Variants in TAOK3 observed in about 807,000 individuals in gnomAD.
TAOK3 encodes TAO kinase 3, also known as serine/threonine-protein kinase TAO3.
A neutral mutation model predicts 120.4 loss-of-function variants in TAOK3; 40 were observed. The ratio of observed to expected loss-of-function variants is 0.33; its 90% CI spans 0.26 to 0.43. TAOK3 has a LOEUF of 0.43. TAOK3 is among the 20% of genes least tolerant of loss of function. The pLI is 1.00. For missense variants in TAOK3, 821 were observed against 1,112.1 expected, an observed-to-expected ratio of 0.74 and a Z score of 3.72; for synonymous variants, 355 against 387.5, an observed-to-expected ratio of 0.92 and a Z score of 0.99.
At chr12:118,169,912 G>A (rs891141027) in intron 17 of TAOK3, among the ~76,000 whole-genome samples, 12 of 151,636 alleles carry the variant, frequency 7.9e-5, no homozygotes, top group Non-Finnish European at 4.4e-5. Flanking sequence ...TAGTAGAGAC[G>A]GGGTTTCACC....
At chr12:118,177,450 A>G in intron 15 of TAOK3, 121 bp from the exon 16 acceptor site, 2 of 618,354 alleles carry the variant, frequency 3.2e-6, no homozygotes, top group Non-Finnish European at 5.1e-6. Context: ...TTTTGAACAA[A>G]TATTAAAAAA....
chr12:118,352,520 A>T (rs932590975), intron 1 of TAOK3, among the ~76,000 whole-genome samples: 1 of 151,520 alleles, frequency 6.6e-6, no homozygotes, highest in African/African-American at 2.4e-5. Context: ...AAAAAAAATC[A>T]TATATATACA....
chr12:118,288,390 G>T (rs2042340370), intron 1 of TAOK3, among the ~76,000 whole-genome samples: 1 of 151,954 alleles, frequency 6.6e-6, no homozygotes, highest in Non-Finnish European at 1.5e-5. Context: ...TGGGTGGGTG[G>T]CCTTGTAAGT....
At chr12:118,366,125 G>A (rs999229427) in intron 1 of TAOK3, among the ~76,000 whole-genome samples, 41 of 152,050 alleles carry the variant, frequency 2.7e-4, no homozygotes, top group East Asian at 1.4e-3. Flanking sequence ...TTAGCCAGGC[G>A]TGGTGGTTGG....
At chr12:118,303,991 C>T (rs1438542436) in intron 1 of TAOK3, among the ~76,000 whole-genome samples, 6 of 152,214 alleles carry the variant, frequency 3.9e-5, no homozygotes, top group Non-Finnish European at 8.8e-5. Context: ...TAACTTCTCT[C>T]TTTACACTCC....
At chr12:118,296,477 T>C (rs2042685652) in intron 1 of TAOK3, among the ~76,000 whole-genome samples, 1 of 152,186 alleles carries the variant, frequency 6.6e-6, no homozygotes, top group Non-Finnish European at 1.5e-5. Flanking sequence ...ACAACTTTTC[T>C]GAATTATTCT....
In TAOK3 at chr12:118,235,635, T is replaced by C; in HGVS notation, c.474A>G (p.Pro158=). 6.2e-7 allele frequency: 1 copy of C among 1,613,402 alleles called. No homozygotes were observed. Among genetic ancestry groups the C allele is most frequent in the Non-Finnish European group, 8.5e-7 (1 of 1,179,788 alleles). ...CAAAATCAGCTAGTTTTACCTGACC[T>C]GGCTCTGTTAGAAGAATATTTCCTG... ...IKAGNILLTE[P]GQVKLADFGS... Residue 158 remains proline (P), a synonymous_variant, in exon 8 of 21, where the codon CCA becomes CCG. Transcript: ENST00000392533.
chr12:118,344,387 C>T (rs1403334357), intron 1 of TAOK3, among the ~76,000 whole-genome samples: 1 of 151,706 alleles, frequency 6.6e-6, no homozygotes, highest in Admixed American at 6.6e-5. Flanking sequence ...TGTTAATATA[C>T]AAAACAGATG....
chr12:118,288,742 CCT>C (rs972389985), intron 1 of TAOK3, among the ~76,000 whole-genome samples: 1 of 151,278 alleles, frequency 6.6e-6, no homozygotes, highest in African/African-American at 2.4e-5. Flanking sequence ...ACAGTGAAAC[CCT>C]GTCTCTACTA....
chr12:118,304,382 T>C (rs928070145), intron 1 of TAOK3, among the ~76,000 whole-genome samples: 1 of 152,214 alleles, frequency 6.6e-6, no homozygotes, highest in Non-Finnish European at 1.5e-5. Flanking sequence ...CTGTTTGAAC[T>C]AGGCCGACTA....
chr12:118,299,575 T>C (rs985811990), intron 1 of TAOK3, among the ~76,000 whole-genome samples: 2 of 152,204 alleles, frequency 1.3e-5, no homozygotes, highest in Non-Finnish European at 2.9e-5. Context: ...AGTGGCTCGA[T>C]CTCGGCTCAC....
chr12:118,154,028 T>C (rs2034635661), intron 19 of TAOK3, among the ~76,000 whole-genome samples: 1 of 152,188 alleles, frequency 6.6e-6, no homozygotes, highest in African/African-American at 2.4e-5. Flanking sequence ...TAAGAGACAC[T>C]AGACACAATA....
rs1413399193 is a variant in TAOK3, at chr12:118,151,111, T to C, written c.2583A>G (p.Ile861Met). The C allele has an allele frequency of 6.2e-7, 1 of 1,614,046 alleles. No homozygotes were observed. The highest frequency in any genetic ancestry group is 8.5e-7 in the Non-Finnish European group (1 of 1,180,036). The change falls in exon 21 of 21, where the codon ATA (isoleucine) becomes ATG (methionine). Residue 861 changes from isoleucine (I) to methionine (M), a missense_variant. Physicochemically the swap from Ile to Met is conservative, Grantham distance 10. Transcript: ENST00000392533. ...GCTCTTGCCTTTCCAATAGGTTCTT[T>C]ATTCTCTCGCTGCGTTCCTTCTGAA... ...AALQKERSER[I>M]KNLLERQERE...
intron 1 of TAOK3, among the ~76,000 whole-genome samples, chr12:118,326,000 T>G (rs1366807935): frequency 6.6e-6 from 1 of 152,166 alleles, no homozygotes; most frequent in East Asian, 1.9e-4. Flanking sequence ...CTTTGTTGAT[T>G]GTTTCTTTTG....
chr12:118,172,690 C>T (rs1336421991), intron 16 of TAOK3, 30 bp from the exon 17 acceptor site: 1 of 1,594,218 alleles, frequency 6.3e-7, no homozygotes, highest in South Asian at 1.1e-5. Context: ...ACCAAGCCAG[C>T]CTTACTAAAT....
chr12:118,351,239 C>T (rs2045138920), intron 1 of TAOK3, among the ~76,000 whole-genome samples: 1 of 152,132 alleles, frequency 6.6e-6, no homozygotes, highest in African/African-American at 2.4e-5. Flanking sequence ...AGTTTGTATA[C>T]TTATTTAGGT....
chr12:118,153,847 T>C lies in TAOK3; in HGVS notation c.2353-1438A>G, dbSNP rs77008652. On this transcript the variant is annotated intron_variant, in intron 19 of 20. Transcript: ENST00000392533. The stretch of plus-strand genomic sequence containing the variant: ...ATTAAAATAGTTTTAGTTATTTGCA[T>C]GTATCTTCTTTTAGTACTTCTGGAG... Among the ~76,000 whole-genome samples, 650 of 152,370 alleles carry C rather than the reference T, an allele frequency of 4.3e-3. 9 individuals are homozygous for C. The highest frequency in any genetic ancestry group is 0.015 in the African/African-American group (628 of 41,584).
chr12:118,291,124 G>A (rs139137031), intron 1 of TAOK3, among the ~76,000 whole-genome samples: 2,074 of 151,688 alleles, frequency 0.014, 47 homozygotes, highest in African/African-American at 0.048. Flanking sequence ...CGAAAGTACT[G>A]GGATTACAGG....
At chr12:118,305,607 AT>A (rs1272804916) in intron 1 of TAOK3, among the ~76,000 whole-genome samples, 1 of 152,180 alleles carries the variant, frequency 6.6e-6, no homozygotes, top group Non-Finnish European at 1.5e-5. Context: ...TATTTTATGC[AT>A]GTCAAAAAGT....
Sources: gnomAD v4.1 joint callset for allele counts (sites outside exome capture counted in the v4.1 genomes callset) on GRCh38, gnomAD v4.1.1 for gene constraint, MANE v1.5 for transcripts, NCBI Gene and HGNC (gene_info 2026-07-23, HGNC 2026-07-21) for gene names.